The following RIPOR2 variants were observed in gnomAD, a reference collection of about 807,000 sequenced individuals.
The protein encoded by RIPOR2 is RHO family interacting cell polarization regulator 2, also known as rho family-interacting cell polarization regulator 2.
In RIPOR2, 39 loss-of-function variants were observed where a neutral mutation model predicts 114.5. The ratio of observed to expected loss-of-function variants is 0.34; its 90% CI spans 0.26 to 0.44. RIPOR2 has a LOEUF of 0.44. Among genes scored for constraint, RIPOR2 ranks in the 20% least tolerant of loss-of-function variants. The pLI, the probability that RIPOR2 is intolerant of heterozygous loss-of-function variation, is 1.00. For missense variants in RIPOR2, 1,007 were observed against 1,255.1 expected (o/e 0.80, Z 2.99); for synonymous variants, 445 against 484.4 (o/e 0.92, Z 1.07).
At chr6:24,955,163 TG>T (rs1772973008) in intron 1 of RIPOR2, among the ~76,000 whole-genome samples, 1 of 152,220 alleles carries the variant, frequency 6.6e-6, no homozygotes, top group South Asian at 2.1e-4. Context: ...TTTAATTTTT[TG>T]TCAAAAAATT....
chr6:24,919,300 T>G (rs866126010), intron 1 of RIPOR2, among the ~76,000 whole-genome samples: 2 of 152,204 alleles, frequency 1.3e-5, no homozygotes, highest in African/African-American at 4.8e-5. Context: ...CCTAATAAAT[T>G]ATTCACGCCA....
chr6:24,835,993 T>C (rs1761078890), intron 14 of RIPOR2, 122 bp from the exon 15 acceptor site: 2 of 880,744 alleles, frequency 2.3e-6, no homozygotes, highest in South Asian at 3.6e-5. Context: ...CTTGCCTATC[T>C]TGAAAAATAG....
chr6:25,023,548 C>T, intron 1 of RIPOR2: 1 of 773,188 alleles, frequency 1.3e-6, no homozygotes, highest in Non-Finnish European at 2.4e-6. Flanking sequence ...CAGCAAATTT[C>T]AAGCCCAGGC....
chr6:25,006,221 T>G (rs1380330695), intron 1 of RIPOR2, among the ~76,000 whole-genome samples: 2 of 152,218 alleles, frequency 1.3e-5, no homozygotes, highest in Non-Finnish European at 2.9e-5. Flanking sequence ...TTTTCAATGC[T>G]CATGCCTCTT....
upstream of RIPOR2, among the ~76,000 whole-genome samples, chr6:24,937,382 A>G (rs1771871620): frequency 6.6e-6 from 1 of 152,176 alleles, no homozygotes; most frequent in Admixed American, 6.5e-5. Context: ...AGAACTGTCC[A>G]GCTCCAAATA....
intron 1 of RIPOR2, among the ~76,000 whole-genome samples, chr6:24,979,438 G>A (rs1482391835): frequency 6.6e-6 from 1 of 152,038 alleles, no homozygotes; most frequent in Admixed American, 6.6e-5. Context: ...TGTGTCTTCT[G>A]CAAACCTGAC....
At chr6:25,009,927 A>G (rs1775710821) in intron 1 of RIPOR2, among the ~76,000 whole-genome samples, 1 of 152,154 alleles carries the variant, frequency 6.6e-6, no homozygotes, top group Admixed American at 6.5e-5. Flanking sequence ...GTGGTGTGGC[A>G]TGAGGCAGGA....
At chr6:24,932,911 G>GAT (rs970925247) in intron 1 of RIPOR2, among the ~76,000 whole-genome samples, 1 of 152,222 alleles carries the variant, frequency 6.6e-6, no homozygotes, top group Non-Finnish European at 1.5e-5. Flanking sequence ...TTTACAGGTA[G>GAT]ATACATCATT....
At chr6:25,025,471 G>A (rs1267990164) in intron 1 of RIPOR2, among the ~76,000 whole-genome samples, 1 of 151,882 alleles carries the variant, frequency 6.6e-6, no homozygotes, top group African/African-American at 2.4e-5. Flanking sequence ...AAAAGCAATA[G>A]GACCTTTAAA....
At chr6:24,994,486 G>A (rs1008250933) in intron 1 of RIPOR2, among the ~76,000 whole-genome samples, 1 of 152,176 alleles carries the variant, frequency 6.6e-6, no homozygotes, top group Non-Finnish European at 1.5e-5. Flanking sequence ...AAGTGGTGCT[G>A]AAAGCATTTC....
At chr6:24,901,410 C>A (rs1011177836) in intron 1 of RIPOR2, among the ~76,000 whole-genome samples, 11 of 152,112 alleles carry the variant, frequency 7.2e-5, no homozygotes, top group African/African-American at 2.7e-4. Flanking sequence ...TGGAAAACAT[C>A]CTAATGTGAA....
intron 2 of RIPOR2, among the ~76,000 whole-genome samples, chr6:24,874,307 T>C (rs558517304): frequency 6.6e-6 from 1 of 152,266 alleles, no homozygotes; most frequent in East Asian, 1.9e-4. Context: ...GATGGGGTCT[T>C]GCTATGTTGC....
chr6:24,935,756 C>T (rs916032304), intron 1 of RIPOR2, 82 bp downstream of exon 1: 2 of 988,440 alleles, frequency 2.0e-6, no homozygotes, highest in African/African-American at 1.6e-5. Flanking sequence ...CAAGTCCTTG[C>T]CCAAGCTGGG....
intron 21 of RIPOR2, among the ~76,000 whole-genome samples, chr6:24,808,818 G>T (rs1214617837): frequency 4.0e-5 from 6 of 148,326 alleles, no homozygotes; most frequent in African/African-American, 1.5e-4. Flanking sequence ...GGAATACAGT[G>T]GCATGATCTC....
At chr6:24,935,801 C>T (rs1439726999) in intron 1 of RIPOR2, 37 bp downstream of exon 1, 2 of 1,471,398 alleles carry the variant, frequency 1.4e-6, no homozygotes, top group South Asian at 2.4e-5. Flanking sequence ...CAAAGCAAAG[C>T]AGACCGGAGA....
At chr6:24,896,343 A>G (rs751016021) in intron 1 of RIPOR2, among the ~76,000 whole-genome samples, 3 of 152,224 alleles carry the variant, frequency 2.0e-5, no homozygotes, top group Non-Finnish European at 2.9e-5. Context: ...TTAAACAGCG[A>G]AAGGGTTCAT....
chr6:24,857,182 T>G (rs1244094142), intron 8 of RIPOR2, among the ~76,000 whole-genome samples: 1 of 152,224 alleles, frequency 6.6e-6, no homozygotes, highest in Non-Finnish European at 1.5e-5. Context: ...AGTGGGGCAA[T>G]GACAGTTACA....
At chr6:24,904,363 A>G (rs1197063769) in intron 1 of RIPOR2, among the ~76,000 whole-genome samples, 3 of 152,096 alleles carry the variant, frequency 2.0e-5, no homozygotes, top group Non-Finnish European at 4.4e-5. Context: ...TCCATCTTCA[A>G]AGTCAGCTAT....
chr6:25,004,291 G>GT (rs1561838289), intron 1 of RIPOR2, among the ~76,000 whole-genome samples: 1 of 152,204 alleles, frequency 6.6e-6, no homozygotes, highest in South Asian at 2.1e-4. Flanking sequence ...ACAAGGCACA[G>GT]ACAGGCTTTA....
Sources: allele counts gnomAD v4.1 joint callset (sites outside exome capture counted in the v4.1 genomes callset), GRCh38; gene constraint gnomAD v4.1.1; transcripts MANE v1.5; gene names NCBI Gene and HGNC (gene_info 2026-07-23, HGNC 2026-07-21).